Variants in DDX55 observed in about 807,000 individuals in gnomAD.
DDX55 encodes ATP-dependent RNA helicase DDX55.
In DDX55, 56 loss-of-function variants were observed where a neutral mutation model predicts 69.2. The ratio of observed to expected loss-of-function variants is 0.81; its 90% CI spans 0.65 to 1.01. DDX55 has a LOEUF of 1.01. DDX55 is among the 50% of genes least tolerant of loss of function. DDX55 has a pLI of 0.00. For synonymous variants in DDX55, 268 were observed against 273.1 expected (o/e 0.98, Z 0.18); for missense variants, 720 against 745.1 (o/e 0.97, Z 0.39).
At chr12:123,613,739 G>A (rs1015624935) in intron 8 of DDX55, among the ~76,000 whole-genome samples, 1 of 152,182 alleles carries the variant, frequency 6.6e-6, no homozygotes, top group African/African-American at 2.4e-5. Flanking sequence ...TCACGTGGTG[G>A]CCCCTCACTT....
intron 7 of DDX55, among the ~76,000 whole-genome samples, chr12:123,611,036 A>G (rs747019300): frequency 5.9e-5 from 9 of 151,752 alleles, no homozygotes; most frequent in Non-Finnish European, 1.3e-4. Flanking sequence ...AGTAGCTGGG[A>G]TTACAGGCAT....
chr12:123,616,842 G>A, intron 10 of DDX55: 2 of 471,206 alleles, frequency 4.2e-6, no homozygotes, highest in Middle Eastern at 5.1e-4. Flanking sequence ...CAGACAATGA[G>A]AGAAAACAAA....
rs1953595755 is a variant in DDX55 at position 123,602,110 on chromosome 12, G to A, written c.-39G>A. On this transcript the variant is annotated 5_prime_UTR_variant, in exon 1 of 14. Transcript: ENST00000238146. ...TGCTCGTTGGGGGTGCACAAGGCGCGTTCGAGCAGCGGCGACCGACGCGGC... is the reference window on the plus strand; with the variant it reads ...TGCTCGTTGGGGGTGCACAAGGCGCATTCGAGCAGCGGCGACCGACGCGGC... 1.3e-6 allele frequency: 2 copies of A among 1,521,060 alleles called. No individual in the cohort carries two copies. Among genetic ancestry groups the A allele is most frequent in the Admixed American group, 2.0e-5 (1 of 50,286 alleles). The allele number at this position is 1,521,060 out of a possible 1,614,324, so 94.2% of individuals were successfully genotyped here. A position where few individuals can be genotyped will look rare whatever the true frequency, so the allele number is the denominator to read the frequency against.
chr12:123,616,792 G>T, intron 10 of DDX55, 189 bp downstream of exon 10: 2 of 647,164 alleles, frequency 3.1e-6, no homozygotes, highest in Non-Finnish European at 5.5e-6. Context: ...ATGGTTTGAG[G>T]CCTTGCCGTG....
At position 123,602,118 on chromosome 12, in the gene DDX55, A is replaced by G. The variant is rs755500891; in HGVS notation, c.-31A>G. ...GGGGGTGCACAAGGCGCGTTCGAGC[A>G]GCGGCGACCGACGCGGCGAAGGAGC... On this transcript the variant is annotated 5_prime_UTR_variant, in exon 1 of 14. Transcript: ENST00000238146. 26 of 1,530,426 alleles carry G rather than the reference A, an allele frequency of 1.7e-5. No homozygotes were observed. The East Asian group carries it at 3.0e-4, about 17-fold the overall frequency. 94.8% of individuals were successfully genotyped at this position (1,530,426 alleles called of 1,614,324 possible). A position where few individuals can be genotyped will look rare whatever the true frequency, so the allele number is the denominator to read the frequency against.
intron 7 of DDX55, among the ~76,000 whole-genome samples, chr12:123,610,611 T>C (rs926085932): frequency 2.7e-4 from 36 of 131,330 alleles, no homozygotes; most frequent in African/African-American, 1.1e-3. Flanking sequence ...GTTTCTTTTT[T>C]TTTTTTTTTT....
In DDX55 at chr12:123,619,989, T is replaced by A. The variant is rs1181432017; in HGVS notation, c.1652T>A (p.Met551Lys). 6.2e-7 allele frequency: 1 copy of A among 1,613,950 alleles called. No individual in the cohort carries two copies. The highest frequency in any genetic ancestry group is 8.5e-7 in the Non-Finnish European group (1 of 1,179,954). ...GGTTCTGATATTGAAGATGAGGACA[T>A]GGAAGAACTTCTTAATGACACAAGA... ...EEGSDIEDED[M>K]EELLNDTRLL... is the part of the protein sequence containing the mutation. Residue 551 changes from methionine (M) to lysine (K), a missense_variant, in exon 14 of 14, where the codon ATG becomes AAG. By Grantham distance (95) the Met-to-Lys change is moderately conservative. Transcript: ENST00000238146.
intron 12 of DDX55, among the ~76,000 whole-genome samples, 182 bp from the exon 13 acceptor site, chr12:123,619,250 A>G (rs113882144): frequency 0.22 from 32,851 of 152,130 alleles, 3,858 homozygotes; most frequent in Middle Eastern, 0.29. Context: ...TGATCCGCCC[A>G]CCTCGGCCTC....
In DDX55 at chr12:123,620,867, G is replaced by C. The variant is rs1257512226; in HGVS notation, c.*727G>C. The C allele has an allele frequency of 6.6e-6, 1 of 151,652 alleles. No homozygotes were observed. The highest frequency in any genetic ancestry group is 1.5e-5 in the Non-Finnish European group (1 of 67,952). 9.4% of individuals were successfully genotyped at this position (151,652 alleles called of 1,614,324 possible). A position where few individuals can be genotyped will look rare whatever the true frequency, so the allele number is the denominator to read the frequency against. On this transcript the variant is annotated 3_prime_UTR_variant, in exon 14 of 14. Coordinates refer to ENST00000238146, the MANE Select transcript of DDX55 (RefSeq NM_020936.3). The stretch of plus-strand genomic sequence containing the variant: ...TTGGTGAATAGCTGAAAAACAGAGG[G>C]ATTAAGTCATATTCCGGGAAAGAGA...
intron 3 of DDX55, among the ~76,000 whole-genome samples, 157 bp from the exon 4 acceptor site, chr12:123,607,275 A>G (rs939519733): frequency 3.3e-5 from 5 of 152,218 alleles, no homozygotes; most frequent in African/African-American, 4.8e-5. Flanking sequence ...CCGTAATTCA[A>G]AGTAGTTGAT....
intron 6 of DDX55, among the ~76,000 whole-genome samples, chr12:123,609,046 C>T (rs75269728): frequency 0.025 from 3,880 of 152,204 alleles, 86 homozygotes; most frequent in South Asian, 0.085. Flanking sequence ...CTCAACCTCT[C>T]GGGCTCAGAT....
chr12:123,619,841 G>A (rs1350681540), intron 13 of DDX55, 117 bp downstream of exon 13: 1 of 1,518,626 alleles, frequency 6.6e-7, no homozygotes, highest in African/African-American at 1.4e-5. Context: ...GACCAGGGTG[G>A]GGAATTTGCT....
chr12:123,607,737 CCTAA>C (rs770167069), intron 5 of DDX55, 75 bp downstream of exon 5: 536 of 1,602,902 alleles, frequency 3.3e-4, no homozygotes, highest in Non-Finnish European at 4.5e-4. Context: ...GTGATCTCAG[CCTAA>C]CTGTGGGTCC....
At chr12:123,614,615 G>A (rs552641605) in intron 8 of DDX55, among the ~76,000 whole-genome samples, 31 of 152,242 alleles carry the variant, frequency 2.0e-4, no homozygotes, top group African/African-American at 7.2e-4. Context: ...TCCCTGGCAG[G>A]AGTTCATGGG....
At position 123,620,237 on chromosome 12, in the gene DDX55, C is replaced by CATCT; in HGVS notation, c.*98_*101dup. 8.2e-7 allele frequency: 1 copy of CATCT among 1,222,030 alleles called. No individual in the cohort carries two copies. The highest frequency in any genetic ancestry group is 2.0e-4 in the Middle Eastern group (1 of 4,968). 75.7% of individuals were successfully genotyped at this position (1,222,030 alleles called of 1,614,324 possible). ...TAACGAAAATCACAACTTCAGGAGA[C>CATCT]ATCTGAAAAGAATGATGTCTCTGAA... On this transcript the variant is annotated 3_prime_UTR_variant, in exon 14 of 14. Transcript: ENST00000238146.
intron 8 of DDX55, 62 bp from the exon 9 acceptor site, chr12:123,615,123 C>T (rs1404959299): frequency 1.2e-6 from 2 of 1,604,100 alleles, no homozygotes; most frequent in Non-Finnish European, 1.7e-6. Flanking sequence ...CACTGTTCCC[C>T]TCTCCCGGTT....
intron 9 of DDX55, 66 bp downstream of exon 9, chr12:123,615,382 C>T (rs1002364943): frequency 6.3e-7 from 1 of 1,584,080 alleles, no homozygotes; most frequent in Non-Finnish European, 8.6e-7. Context: ...CCCAAATGCC[C>T]CATTCTCTAG....
chr12:123,608,877 T>C (rs1593688561), intron 6 of DDX55, 48 bp downstream of exon 6: 6 of 1,517,912 alleles, frequency 4.0e-6, no homozygotes, highest in East Asian at 2.3e-5. Flanking sequence ...ATGATACTAA[T>C]ACAAAAGGGG....
intron 6 of DDX55, 112 bp downstream of exon 6, chr12:123,608,941 T>C: frequency 9.9e-7 from 1 of 1,012,150 alleles, no homozygotes; most frequent in South Asian, 3.0e-5. Flanking sequence ...TTTATTTTCA[T>C]TTTTATTTAT....
Sources: gnomAD v4.1 joint callset for allele counts (sites outside exome capture counted in the v4.1 genomes callset) on GRCh38, gnomAD v4.1.1 for gene constraint, MANE v1.5 for transcripts, NCBI Gene and HGNC (gene_info 2026-07-23, HGNC 2026-07-21) for gene names.